The following GTF2H4 variants were observed in gnomAD, a reference collection of about 807,000 sequenced individuals.
GTF2H4 encodes general transcription factor IIH subunit 4.
A neutral mutation model predicts 62.2 loss-of-function variants in GTF2H4; 49 were observed. The observed-to-expected ratio is 0.79, with a 90% CI of 0.63 to 1.00. The LOEUF (loss-of-function observed/expected upper bound fraction) is 1.00, where lower values mean the gene tolerates loss of function less well. Ranked by LOEUF, GTF2H4 falls within the 50% of genes least tolerant of loss-of-function variation. The pLI is 0.00. For missense variants in GTF2H4, 479 were observed against 587.8 expected, an observed-to-expected ratio of 0.81 and a Z score of 1.91; for synonymous variants, 189 against 233.8, an observed-to-expected ratio of 0.81 and a Z score of 1.75.
At position 30,912,476 on chromosome 6, in the gene GTF2H4, AG is replaced by A. The variant is rs1793816511; in HGVS notation, c.1089+20del. Reference sequence around the variant, plus strand: ...CCCAGCAGGTATTCCCACTTGGGAGAGGTGGAGCAGGAAGACAGGCTGCACT... The same window carrying A: ...CCCAGCAGGTATTCCCACTTGGGAGAGTGGAGCAGGAAGACAGGCTGCACT... On this transcript the variant is annotated intron_variant, in intron 11 of 13. Transcript: ENST00000259895. This position sits in a 1 kb window ranked among gnomAD's most constrained non-coding sequence, Gnocchi z 4.8. 2.5e-6 allele frequency: 4 copies of A among 1,611,258 alleles called. No homozygotes were observed. The highest frequency in any genetic ancestry group is 3.4e-6 in the Non-Finnish European group (4 of 1,179,866).
Position 30,909,877 on chromosome 6 carries a change from T to C in GTF2H4, c.243-55T>C. ...GAACAGGCAGAGATGGTGGCTTTTATGGGCCTCCTTTTTGTTTTCCAAATA... is the reference window on the plus strand; with the variant it reads ...GAACAGGCAGAGATGGTGGCTTTTACGGGCCTCCTTTTTGTTTTCCAAATA... On this transcript the variant is annotated intron_variant, in intron 3 of 13. Transcript: ENST00000259895. This position sits in a 1 kb window ranked among gnomAD's most constrained non-coding sequence, Gnocchi z 4.3. 2 of 1,559,872 alleles carry C rather than the reference T, an allele frequency of 1.3e-6. No individual in the cohort carries two copies. Among genetic ancestry groups the C allele is most frequent in the Non-Finnish European group, 1.7e-6 (2 of 1,152,516 alleles).
chr6:30,911,803 A>T lies in GTF2H4; in HGVS notation c.825+36A>T. 6.4e-7 allele frequency: 1 copy of T among 1,571,456 alleles called. No homozygotes were observed. The highest frequency in any genetic ancestry group is 2.2e-5 in the East Asian group (1 of 44,672). ...CTAGATAAGTGGCTTCCAGGGAAGA[A>T]ACAGGGTGGTGTGTTGCCTTTGCCT... is the stretch of plus-strand genomic sequence containing the variant. On this transcript the variant is annotated intron_variant, in intron 9 of 13. Coordinates refer to ENST00000259895, the MANE Select transcript of GTF2H4 (RefSeq NM_001517.5). This position sits in a 1 kb window ranked among gnomAD's most constrained non-coding sequence, Gnocchi z 4.3.
Position 30,914,032 on chromosome 6 carries a change from G to A in GTF2H4, c.*49G>A. The A allele has an allele frequency of 2.0e-6, 3 of 1,472,000 alleles. No homozygotes were observed. The highest frequency in any genetic ancestry group is 2.8e-6 in the Non-Finnish European group (3 of 1,087,740). 91.2% of individuals were successfully genotyped at this position (1,472,000 alleles called of 1,614,324 possible). ...CTCGGCGGGCGGGACTGGGCGGGGC[G>A]GGGCATCAGAACTCAGGTGTTTTTT... On this transcript the variant is annotated 3_prime_UTR_variant, in exon 14 of 14. Transcript: ENST00000259895.
rs1205467579 is a variant in GTF2H4 at position 30,913,522 on chromosome 6, G to A, written c.1216+135G>A. 12 of 991,314 alleles carry A rather than the reference G, an allele frequency of 1.2e-5. No individual in the cohort carries two copies. Among genetic ancestry groups the A allele is most frequent in the Non-Finnish European group, 1.8e-5 (12 of 673,670 alleles). 61.4% of individuals were successfully genotyped at this position (991,314 alleles called of 1,614,324 possible). On this transcript the variant is annotated intron_variant, in intron 13 of 13. Transcript: ENST00000259895. The surrounding 1 kb of genome is among the most constrained non-coding windows in gnomAD (Gnocchi z 4.2). ...ACAGTTTTTTGTTGTTTTGGGGTGA[G>A]TCGGTAGTAAACAAATCGTCCCAAA...
chr6:30,909,351 G>A lies in GTF2H4; in HGVS notation c.138-84G>A. 8.3e-7 allele frequency: 1 copy of A among 1,208,310 alleles called. No individual in the cohort carries two copies. Among genetic ancestry groups the A allele is most frequent in the Non-Finnish European group, 1.2e-6 (1 of 828,788 alleles). The allele number at this position is 1,208,310 out of a possible 1,614,324, so 74.8% of individuals were successfully genotyped here. The stretch of plus-strand genomic sequence containing the variant: ...TGGTAAAGTTGTGCTGGAGTGAGAT[G>A]AGATGTTTGAGAGGTAATTGAGGGC... On this transcript the variant is annotated intron_variant, in intron 2 of 13. Transcript: ENST00000259895. The surrounding 1 kb of genome is among the most constrained non-coding windows in gnomAD (Gnocchi z 4.3).
chr6:30,912,588 G>A lies in GTF2H4; in HGVS notation c.1089+130G>A, dbSNP rs1582158591. 2.6e-6 allele frequency: 3 copies of A among 1,174,902 alleles called. No individual in the cohort carries two copies. In the East Asian group the frequency reaches 7.4e-5, roughly 29 times the overall value. The allele number at this position is 1,174,902 out of a possible 1,614,324, so 72.8% of individuals were successfully genotyped here. ...TGGTGGTGAGTTGTCTGTGTTTGAA[G>A]AGAAATGAAGGCTTTGGGTGTGAGA... On this transcript the variant is annotated intron_variant, in intron 11 of 13. Coordinates refer to ENST00000259895, the MANE Select transcript of GTF2H4 (RefSeq NM_001517.5). This position sits in a 1 kb window ranked among gnomAD's most constrained non-coding sequence, Gnocchi z 4.8.
At chr6:30,908,964 CAGTT>C (rs772320783) in intron 1 of GTF2H4, 66 bp from the exon 2 acceptor site, 192 of 1,555,746 alleles carry the variant, frequency 1.2e-4, no homozygotes, top group Middle Eastern at 1.9e-4. Context: ...GATCTGGAAT[CAGTT>C]AGAAAGGTCA....
chr6:30,908,906 A>T (rs1793648790), intron 1 of GTF2H4, 128 bp from the exon 2 acceptor site: 1 of 1,032,894 alleles, frequency 9.7e-7, no homozygotes, highest in Non-Finnish European at 1.5e-6. Flanking sequence ...GATGAGTGAC[A>T]TGGGAAAGGA....
At position 30,911,938 on chromosome 6, in the gene GTF2H4, G is replaced by A. The variant is rs1793778818; in HGVS notation, c.826-76G>A. 1.3e-6 allele frequency: 2 copies of A among 1,555,160 alleles called. No homozygotes were observed. The highest frequency in any genetic ancestry group is 1.7e-5 in the Admixed American group (1 of 58,318). On this transcript the variant is annotated intron_variant, in intron 9 of 13. Coordinates refer to ENST00000259895, the MANE Select transcript of GTF2H4 (RefSeq NM_001517.5). This position sits in a 1 kb window ranked among gnomAD's most constrained non-coding sequence, Gnocchi z 4.3. ...GGGTTGAGGTTCTGCATCTTGGGAGGGATCTGATATTTCAGGCAGGAAGAT... is the reference window on the plus strand; with the variant it reads ...GGGTTGAGGTTCTGCATCTTGGGAGAGATCTGATATTTCAGGCAGGAAGAT...
intron 1 of GTF2H4, 44 bp from the exon 2 acceptor site, chr6:30,908,990 G>A (rs748011298): frequency 1.5e-5 from 24 of 1,611,160 alleles, no homozygotes; most frequent in Non-Finnish European, 1.9e-5. Flanking sequence ...GGGTGACACT[G>A]GCATGGATGG....
Position 30,912,448 on chromosome 6 carries a change from C to T in GTF2H4, c.1079C>T (p.Thr360Ile), listed in dbSNP as rs1264194558. ...CAGCAGGCAATCGCCAGTGGCATCA[C>T]AGCCCAGCAGGTATTCCCACTTGGG... ...SVQQAIASGI[T>I]AQQIIHFLRT... is the part of the protein sequence containing the mutation. Residue 360 changes from threonine (T) to isoleucine (I), a missense_variant, in exon 11 of 14, where the codon ACA becomes ATA. Physicochemically the swap from Thr to Ile is moderately conservative, Grantham distance 89. Transcript: ENST00000259895. The surrounding 1 kb of genome is among the most constrained non-coding windows in gnomAD (Gnocchi z 4.8). 1 of 1,612,476 alleles carries T rather than the reference C, an allele frequency of 6.2e-7. No homozygotes were observed. The highest frequency in any genetic ancestry group is 8.5e-7 in the Non-Finnish European group (1 of 1,180,022).
chr6:30,911,057 T>C lies in GTF2H4; in HGVS notation c.561-101T>C. Reference sequence around the variant, plus strand: ...CATTAGCTGGAAAAGGCAAGCTGAGTAGAATATAGCCAGAGATACCAAGAA... The same window carrying C: ...CATTAGCTGGAAAAGGCAAGCTGAGCAGAATATAGCCAGAGATACCAAGAA... On this transcript the variant is annotated intron_variant, in intron 6 of 13. Coordinates refer to ENST00000259895, the MANE Select transcript of GTF2H4 (RefSeq NM_001517.5). This position sits in a 1 kb window ranked among gnomAD's most constrained non-coding sequence, Gnocchi z 4.3. The C allele has an allele frequency of 3.8e-6, 5 of 1,318,828 alleles. No homozygotes were observed. The highest frequency in any genetic ancestry group is 5.4e-6 in the Non-Finnish European group (5 of 923,614). The allele number at this position is 1,318,828 out of a possible 1,614,324, so 81.7% of individuals were successfully genotyped here.
At position 30,912,959 on chromosome 6, in the gene GTF2H4, G is replaced by A; in HGVS notation, c.1090-151G>A. The A allele has an allele frequency of 1.5e-6, 1 of 662,846 alleles. No homozygotes were observed. The highest frequency in any genetic ancestry group is 2.5e-6 in the Non-Finnish European group (1 of 392,398). 41.1% of individuals were successfully genotyped at this position (662,846 alleles called of 1,614,324 possible). A position where few individuals can be genotyped will look rare whatever the true frequency, so the allele number is the denominator to read the frequency against. ...CCACGTTGCTGGGAGCAGCAACGTG[G>A]GATAACAGCTGAACTGGGATGGGTG... On this transcript the variant is annotated intron_variant, in intron 11 of 13. Coordinates refer to ENST00000259895, the MANE Select transcript of GTF2H4 (RefSeq NM_001517.5). The surrounding 1 kb of genome is among the most constrained non-coding windows in gnomAD (Gnocchi z 4.8).
chr6:30,909,962 C>T lies in GTF2H4; in HGVS notation c.273C>T (p.Ser91=), dbSNP rs768484350. Residue 91 remains serine, a synonymous_variant, in exon 4 of 14, where the codon AGC becomes AGT. Transcript: ENST00000259895. This position sits in a 1 kb window ranked among gnomAD's most constrained non-coding sequence, Gnocchi z 4.3. ...KAQEESTGLL[S]GLRIWHTQLL... ...AGGAGGAAAGTACAGGGCTGCTGAG[C>T]GGCCTCCGGATCTGGCACACACAGC... 15 of 1,612,718 alleles carry T rather than the reference C, an allele frequency of 9.3e-6. No homozygotes were observed. In the Admixed American group the frequency reaches 1.0e-4, roughly 11 times the overall value.
Position 30,912,335 on chromosome 6 carries a change from G to A in GTF2H4, c.966G>A (p.Glu322=). 1 of 1,612,996 alleles carries A rather than the reference G, an allele frequency of 6.2e-7. No homozygotes were observed. Among genetic ancestry groups the A allele is most frequent in the East Asian group, 2.2e-5 (1 of 44,880 alleles). Residue 322 remains glutamate (E), a synonymous_variant, in exon 11 of 14, where the codon GAG becomes GAA. Coordinates refer to ENST00000259895, the MANE Select transcript of GTF2H4 (RefSeq NM_001517.5). The surrounding 1 kb of genome is among the most constrained non-coding windows in gnomAD (Gnocchi z 4.8). ...TTTCTATCCCTGGCTCAGAGTCGGA[G>A]CTGCAGATTGCCCTCATTGCCCTCT... ...NYRLYAYTES[E]LQIALIALFS...
Position 30,912,390 on chromosome 6 carries a change from A to G in GTF2H4, c.1021A>G (p.Met341Val), listed in dbSNP as rs1793808595. ...TGAGATGCTCTATCGGTTCCCCAAC[A>G]TGGTGGTGGCGCAGGTGACCCGGGA... ...FSEMLYRFPN[M>V]VVAQVTRESV... The change falls in exon 11 of 14, where the codon ATG becomes GTG. Residue 341 changes from methionine (M) to valine (V), a missense_variant. Coordinates refer to ENST00000259895, the MANE Select transcript of GTF2H4 (RefSeq NM_001517.5). The surrounding 1 kb of genome is among the most constrained non-coding windows in gnomAD (Gnocchi z 4.8). 3 of 1,612,996 alleles carry G rather than the reference A, an allele frequency of 1.9e-6. No individual in the cohort carries two copies. The highest frequency in any genetic ancestry group is 1.3e-5 in the African/African-American group (1 of 75,018).
chr6:30,913,996 T>C lies in GTF2H4; in HGVS notation c.*13T>C, dbSNP rs756484525. The C allele has an allele frequency of 6.4e-7, 1 of 1,560,924 alleles. No individual in the cohort carries two copies. Among genetic ancestry groups the C allele is most frequent in the Non-Finnish European group, 8.7e-7 (1 of 1,148,690 alleles). ...ACATAGCTCCTGAGAGCGCGGGACT[T>C]GGACACGGACCTCGGCGGGCGGGAC... On this transcript the variant is annotated 3_prime_UTR_variant, in exon 14 of 14. Transcript: ENST00000259895. This position sits in a 1 kb window ranked among gnomAD's most constrained non-coding sequence, Gnocchi z 4.2.
Position 30,910,212 on chromosome 6 carries a change from C to T in GTF2H4, c.374+149C>T, listed in dbSNP as rs1376397304. 9 of 800,082 alleles carry T rather than the reference C, an allele frequency of 1.1e-5. No individual in the cohort carries two copies. Among genetic ancestry groups the T allele is most frequent in the Non-Finnish European group, 1.6e-5 (8 of 493,906 alleles). 49.6% of individuals were successfully genotyped at this position (800,082 alleles called of 1,614,324 possible). The stretch of plus-strand genomic sequence containing the variant: ...GAACTCCTTTAGGAGTAAGTTGGAC[C>T]AGATGTAGTGTGTGGTGTAGGAAAT... On this transcript the variant is annotated intron_variant, in intron 4 of 13. Transcript: ENST00000259895. The surrounding 1 kb of genome is among the most constrained non-coding windows in gnomAD (Gnocchi z 4.7).
rs764313356 is a variant in GTF2H4 at position 30,909,055 on chromosome 6, A to T, written c.19A>T (p.Arg7Trp). The T allele has an allele frequency of 1.2e-6, 2 of 1,614,138 alleles. No homozygotes were observed. Among genetic ancestry groups the T allele is most frequent in the Non-Finnish European group, 1.7e-6 (2 of 1,180,020 alleles). Residue 7 changes from arginine (R) to tryptophan (W), a missense_variant, in exon 2 of 14, where the codon AGG becomes TGG. Coordinates refer to ENST00000259895, the MANE Select transcript of GTF2H4 (RefSeq NM_001517.5). This position sits in a 1 kb window ranked among gnomAD's most constrained non-coding sequence, Gnocchi z 4.3. ...TCAGGTGATGGAGAGCACCCCTTCAAGGGGACTGAACCGAGTACACCTACA... is the reference window on the plus strand; with the variant it reads ...TCAGGTGATGGAGAGCACCCCTTCATGGGGACTGAACCGAGTACACCTACA... The part of the protein sequence containing the change: MESTPS[R>W]GLNRVHLQCR...
Sources: gnomAD v4.1 joint callset for allele counts on GRCh38, gnomAD v4.1.1 for gene constraint, Gnocchi (gnomAD v3.1) non-coding constraint, MANE v1.5 for transcripts, NCBI Gene and HGNC (gene_info 2026-07-23, HGNC 2026-07-21) for gene names.